MORN1: variants seen among roughly 807,000 people sequenced by gnomAD.
MORN1 encodes the protein MORN repeat containing 1, also known as MORN repeat-containing protein 1.
A neutral mutation model predicts 61.9 loss-of-function variants in MORN1; 67 were observed. The observed-to-expected ratio is 1.08, with a 90% confidence interval of 0.89 to 1.33. The LOEUF is 1.33. Ranked by LOEUF, MORN1 falls within the 40% of genes most tolerant of loss-of-function variation. The pLI is 0.00. For missense variants in MORN1, 752 were observed against 691.2 expected, an observed-to-expected ratio of 1.09 and a Z score of -0.99; for synonymous variants, 301 against 292.0, an observed-to-expected ratio of 1.03 and a Z score of -0.31.
rs1557887105 is a variant in MORN1 at position 2,372,759 on chromosome 1, G to A, written c.635-168C>T. ...TCCGCAAACCACCTTGCAGAGCAGCGACCTGGGCAGTCGTCCACACTCAGA... is the reference window on the plus strand; with the variant it reads ...TCCGCAAACCACCTTGCAGAGCAGCAACCTGGGCAGTCGTCCACACTCAGA... On this transcript the variant is annotated intron_variant, in intron 7 of 13. Coordinates refer to ENST00000378531, the MANE Select transcript of MORN1 (RefSeq NM_024848.3). The surrounding 1 kb of genome is among the most constrained non-coding windows in gnomAD (Gnocchi z 5.4). Among the ~76,000 whole-genome samples the A allele has an allele frequency of 6.6e-6, 1 of 151,820 alleles. No individual in the cohort carries two copies. The highest frequency in any genetic ancestry group is 2.4e-5 in the African/African-American group (1 of 41,440).
chr1:2,325,172 T>TCCCTCCCTTCCTTCCCTC (rs1569904746), intron 12 of MORN1, among the ~76,000 whole-genome samples: 1 of 13,674 alleles, frequency 7.3e-5, no homozygotes, highest in Non-Finnish European at 1.3e-4. Flanking sequence ...TTCCTTCCTT[T>TCCCTCCCTTCCTTCCCTC]CCTTCCTTCC....
intron 13 of MORN1, 66 bp downstream of exon 13, chr1:2,324,031 G>A (rs1640942279): frequency 1.3e-6 from 2 of 1,527,898 alleles, no homozygotes; most frequent in Admixed American, 2.0e-5. Context: ...CTCCAGCCCT[G>A]GGCTGCGGCC....
chr1:2,353,406 T>G (rs1246297484), intron 10 of MORN1, among the ~76,000 whole-genome samples: 1 of 152,210 alleles, frequency 6.6e-6, no homozygotes, highest in Non-Finnish European at 1.5e-5. Flanking sequence ...TGAGCCTGTC[T>G]GGAACTGGCC....
chr1:2,343,075 T>G (rs1352594711), intron 10 of MORN1, among the ~76,000 whole-genome samples: 1 of 151,954 alleles, frequency 6.6e-6, no homozygotes, highest in Admixed American at 6.6e-5. Context: ...CGCTTGACCC[T>G]AAGCCTCCAT....
At chr1:2,390,024 A>T in intron 1 of MORN1, 28 bp from the exon 2 acceptor site, 1 of 1,583,582 alleles carries the variant, frequency 6.3e-7, no homozygotes. Flanking sequence ...ACACACAGGT[A>T]AGCACAGACA....
chr1:2,366,815 T>A lies in MORN1; in HGVS notation c.745+5666A>T, dbSNP rs535604548. Among the ~76,000 whole-genome samples the A allele has an allele frequency of 2.6e-5, 4 of 152,210 alleles. No homozygotes were observed. The South Asian group carries it at 8.3e-4, about 32-fold the overall frequency. On this transcript the variant is annotated intron_variant, in intron 8 of 13. Coordinates refer to ENST00000378531, the MANE Select transcript of MORN1 (RefSeq NM_024848.3). ...CCTCTCAAAATGCTAGGATGACAGGTATGAGGCACTGCACCCAGCAAGGCA... is the reference window on the plus strand; with the variant it reads ...CCTCTCAAAATGCTAGGATGACAGGAATGAGGCACTGCACCCAGCAAGGCA...
chr1:2,369,620 C>A (rs1317094821), intron 8 of MORN1, among the ~76,000 whole-genome samples: 1 of 151,988 alleles, frequency 6.6e-6, no homozygotes, highest in Non-Finnish European at 1.5e-5. Flanking sequence ...ATGTAAAAAT[C>A]AATTGTAGTC....
At chr1:2,355,932 G>A (rs978651859) in intron 10 of MORN1, among the ~76,000 whole-genome samples, 8 of 152,342 alleles carry the variant, frequency 5.3e-5, no homozygotes, top group Non-Finnish European at 2.9e-5. Context: ...GGGCCTGCTA[G>A]GCTGGCTTAA....
intron 12 of MORN1, among the ~76,000 whole-genome samples, chr1:2,335,128 G>A (rs34408193): frequency 2.6e-4 from 40 of 152,328 alleles, no homozygotes; most frequent in Admixed American, 4.6e-4. Flanking sequence ...AGAGGGCGGC[G>A]CCTCCCCCAT....
At chr1:2,338,601 G>T (rs1641331187) in intron 10 of MORN1, among the ~76,000 whole-genome samples, 1 of 152,212 alleles carries the variant, frequency 6.6e-6, no homozygotes, top group African/African-American at 2.4e-5. Flanking sequence ...TCACACGGTG[G>T]CGGGGGCTTC....
chr1:2,388,396 C>G, intron 2 of MORN1, 59 bp from the exon 3 acceptor site: 1 of 1,375,232 alleles, frequency 7.3e-7, no homozygotes, highest in Non-Finnish European at 1.0e-6. Flanking sequence ...GCGAATGACA[C>G]TGTGCAGTGT....
chr1:2,337,267 G>A lies in MORN1; in HGVS notation c.1037-417C>T, dbSNP rs1641301649. Among the ~76,000 whole-genome samples the A allele has an allele frequency of 6.6e-6, 1 of 152,216 alleles. No homozygotes were observed. The highest frequency in any genetic ancestry group is 1.5e-5 in the Non-Finnish European group (1 of 68,034). ...GTGCCCTCCTCGGAGCGCAGCATGA[G>A]GAGGAAGATGGTTCTGCCCCAGCGG... On this transcript the variant is annotated intron_variant, in intron 10 of 13. Coordinates refer to ENST00000378531, the MANE Select transcript of MORN1 (RefSeq NM_024848.3). This position sits in a 1 kb window ranked among gnomAD's most constrained non-coding sequence, Gnocchi z 5.7.
At chr1:2,351,870 C>T in intron 10 of MORN1, 1 of 503,180 alleles carries the variant, frequency 2.0e-6, no homozygotes, top group Non-Finnish European at 3.9e-6. Context: ...GACTGCCGTT[C>T]CCCCAGATCC....
chr1:2,385,731 C>A lies in MORN1; in HGVS notation c.449+76G>T, dbSNP rs538451538. On this transcript the variant is annotated intron_variant, in intron 5 of 13. Transcript: ENST00000378531. Reference sequence around the variant, plus strand: ...TGTCCCATGGCAGTCCTGTCTACACCCCCAGGCCACATGGCCTCACACCTG... The same window carrying A: ...TGTCCCATGGCAGTCCTGTCTACACACCCAGGCCACATGGCCTCACACCTG... 1.8e-4 allele frequency: 251 copies of A among 1,391,226 alleles called. 6 individuals carry two copies. The South Asian group carries it at 2.7e-3, about 15-fold the overall frequency. The allele number at this position is 1,391,226 out of a possible 1,614,324, so 86.2% of individuals were successfully genotyped here.
intron 5 of MORN1, chr1:2,385,554 G>C (rs935606769): frequency 1.4e-5 from 5 of 345,038 alleles, no homozygotes; most frequent in East Asian, 1.3e-4. Flanking sequence ...TTAATCGGGG[G>C]GGGGGGGGAT....
chr1:2,359,182 T>C (rs74592053), intron 8 of MORN1, among the ~76,000 whole-genome samples: 6,293 of 152,198 alleles, frequency 0.041, 407 homozygotes, highest in African/African-American at 0.14. Flanking sequence ...GGGGCCTCCA[T>C]GGTGGTCCTC....
chr1:2,387,359 A>G, intron 4 of MORN1, 60 bp downstream of exon 4: 1 of 1,250,110 alleles, frequency 8.0e-7, no homozygotes, highest in South Asian at 1.2e-5. Context: ...AAGTGGACGT[A>G]GGATTCCATG....
At chr1:2,346,498 G>A (rs1239636340) in intron 10 of MORN1, among the ~76,000 whole-genome samples, 2 of 152,174 alleles carry the variant, frequency 1.3e-5, no homozygotes, top group East Asian at 1.9e-4. Flanking sequence ...CGATTCTTCT[G>A]CCTCAGCCTC....
At chr1:2,358,338 TG>T (rs1388749183) in intron 9 of MORN1, among the ~76,000 whole-genome samples, 1 of 151,972 alleles carries the variant, frequency 6.6e-6, no homozygotes, top group Non-Finnish European at 1.5e-5. Context: ...CCCAGAGGCT[TG>T]GGGGCCGAGC....
Sources: gnomAD v4.1 joint callset for allele counts (sites outside exome capture counted in the v4.1 genomes callset) on GRCh38, gnomAD v4.1.1 for gene constraint, Gnocchi (gnomAD v3.1) non-coding constraint, MANE v1.5 for transcripts, NCBI Gene and HGNC (gene_info 2026-07-23, HGNC 2026-07-21) for gene names.